The following PLCB1 variants were observed in gnomAD, a reference collection of about 807,000 sequenced individuals.
PLCB1 encodes phospholipase C beta 1.
PLCB1 carries 46 observed loss-of-function variants against 161.8 expected under a neutral mutation model. The ratio of observed to expected loss-of-function variants is 0.28; its 90% confidence interval spans 0.22 to 0.36. The LOEUF (loss-of-function observed/expected upper bound fraction) is 0.36. Ranked by LOEUF, PLCB1 falls within the 10% of genes least tolerant of loss-of-function variation. PLCB1 has a pLI of 1.00. For synonymous variants in PLCB1, 517 were observed against 503.7 expected (o/e 1.03, Z -0.35); for missense variants, 1,016 against 1,472.5 (o/e 0.69, Z 5.07).
At chr20:8,416,597 C>A (rs1180511367) in intron 3 of PLCB1, among the ~76,000 whole-genome samples, 4 of 152,172 alleles carry the variant, frequency 2.6e-5, no homozygotes, top group Middle Eastern at 6.8e-3. Context: ...GGTTTATGTA[C>A]AGTCACAGGA....
intron 3 of PLCB1, among the ~76,000 whole-genome samples, chr20:8,612,142 A>T (rs1987922730): frequency 6.6e-6 from 1 of 152,158 alleles, no homozygotes. Flanking sequence ...TAGAAGCTTG[A>T]GGGCAAAGAC....
At chr20:8,485,423 G>A (rs992288651) in intron 3 of PLCB1, among the ~76,000 whole-genome samples, 2 of 152,228 alleles carry the variant, frequency 1.3e-5, no homozygotes, top group African/African-American at 4.8e-5. Context: ...CCTAAAGGCA[G>A]AAAAGATAAT....
At chr20:8,673,291 G>T (rs1600241883) in intron 9 of PLCB1, among the ~76,000 whole-genome samples, 1 of 152,322 alleles carries the variant, frequency 6.6e-6, no homozygotes, top group Non-Finnish European at 1.5e-5. Flanking sequence ...GATGGAGCAG[G>T]TGGCTCGCAA....
At chr20:8,377,407 G>A (rs1175874508) in intron 3 of PLCB1, among the ~76,000 whole-genome samples, 3 of 152,186 alleles carry the variant, frequency 2.0e-5, no homozygotes, top group East Asian at 1.9e-4. Context: ...CTTTTCTTCT[G>A]ATGGAAGAGG....
chr20:8,665,816 A>G (rs563624671), intron 9 of PLCB1, among the ~76,000 whole-genome samples: 1 of 152,308 alleles, frequency 6.6e-6, no homozygotes, highest in South Asian at 2.1e-4. Context: ...AACATGCCCT[A>G]ATTAAAGAAA....
intron 3 of PLCB1, among the ~76,000 whole-genome samples, chr20:8,377,262 A>C (rs951962851): frequency 6.6e-6 from 1 of 152,166 alleles, no homozygotes; most frequent in Non-Finnish European, 1.5e-5. Context: ...ATATGAGTAG[A>C]GACATGAACT....
chr20:8,193,540 A>G (rs1013751421), intron 2 of PLCB1, among the ~76,000 whole-genome samples: 2 of 152,022 alleles, frequency 1.3e-5, no homozygotes, highest in African/African-American at 2.4e-5. Flanking sequence ...CTAGAAGGAG[A>G]TATAAAAAAC....
intron 3 of PLCB1, among the ~76,000 whole-genome samples, chr20:8,612,953 C>G (rs1282770703): frequency 1.3e-5 from 2 of 152,018 alleles, no homozygotes. Context: ...AGACATGGCC[C>G]AGCTTAACAC....
intron 2 of PLCB1, among the ~76,000 whole-genome samples, chr20:8,158,757 A>G (rs1245411617): frequency 6.6e-6 from 1 of 152,228 alleles, no homozygotes; most frequent in Non-Finnish European, 1.5e-5. Context: ...CAAAGGGGCT[A>G]CAGGCCTCAT....
chr20:8,821,824 C>A (rs991456141), intron 31 of PLCB1, among the ~76,000 whole-genome samples: 3 of 151,922 alleles, frequency 2.0e-5, no homozygotes, highest in Non-Finnish European at 4.4e-5. Context: ...CTGTATCCCT[C>A]TCCACCCGCC....
intron 2 of PLCB1, among the ~76,000 whole-genome samples, chr20:8,261,506 T>C (rs1377447699): frequency 1.3e-5 from 2 of 152,180 alleles, no homozygotes; most frequent in African/African-American, 4.8e-5. Flanking sequence ...GCTTTGCGGT[T>C]GATGTCGAGC....
chr20:8,805,580 T>G (rs1984496288), intron 31 of PLCB1, among the ~76,000 whole-genome samples: 1 of 152,142 alleles, frequency 6.6e-6, no homozygotes, highest in Admixed American at 6.6e-5. Flanking sequence ...AAACAAAAAT[T>G]AGCATTTATG....
rs114124504 is a variant in PLCB1 at position 8,475,644 on chromosome 20, T to C, written c.246+104194T>C. Among the ~76,000 whole-genome samples the C allele has an allele frequency of 9.6e-3, 1,456 of 152,338 alleles. 25 individuals carry two copies. Among genetic ancestry groups the C allele is most frequent in the African/African-American group, 0.032 (1,351 of 41,584 alleles). ...TCTTTCAGACACTTGCACACTTTTT[T>C]TCAGATAATTGGTGTATGTAAAGGA... On this transcript the variant is annotated intron_variant, in intron 3 of 31. Transcript: ENST00000338037.
intron 3 of PLCB1, among the ~76,000 whole-genome samples, chr20:8,408,380 A>G (rs1252545492): frequency 6.6e-6 from 1 of 152,018 alleles, no homozygotes; most frequent in Non-Finnish European, 1.5e-5. Context: ...ACCTGTGAAT[A>G]GCCACTGCAC....
chr20:8,718,982 A>G (rs903015073), intron 14 of PLCB1, among the ~76,000 whole-genome samples: 4 of 152,230 alleles, frequency 2.6e-5, no homozygotes, highest in African/African-American at 9.6e-5. Context: ...GATGCCTAAT[A>G]TCATTTCTTT....
chr20:8,277,513 G>A (rs1982642576), intron 2 of PLCB1, among the ~76,000 whole-genome samples: 1 of 151,768 alleles, frequency 6.6e-6, no homozygotes, highest in Non-Finnish European at 1.5e-5. Context: ...ATATATAAAT[G>A]CTACTTTAAT....
At chr20:8,700,520 G>A (rs1990677466) in intron 11 of PLCB1, among the ~76,000 whole-genome samples, 2 of 152,234 alleles carry the variant, frequency 1.3e-5, no homozygotes, top group Admixed American at 1.3e-4. Flanking sequence ...TCTCTTTCTG[G>A]GCTCTGGAAG....
intron 2 of PLCB1, among the ~76,000 whole-genome samples, chr20:8,297,893 T>G (rs66541428): frequency 0.057 from 5,498 of 96,304 alleles, 289 homozygotes; most frequent in African/African-American, 0.18. Flanking sequence ...TCTTTTTGGG[T>G]TTTTTTTTTT....
chr20:8,830,960 CT>C (rs1428682117), intron 31 of PLCB1, among the ~76,000 whole-genome samples: 2 of 152,208 alleles, frequency 1.3e-5, no homozygotes, highest in Non-Finnish European at 2.9e-5. Context: ...GGTAGCCTAG[CT>C]GTTTCATTGG....
Sources: gnomAD v4.1 joint callset for allele counts (sites outside exome capture counted in the v4.1 genomes callset) on GRCh38, gnomAD v4.1.1 for gene constraint, MANE v1.5 for transcripts, NCBI Gene and HGNC (gene_info 2026-07-23, HGNC 2026-07-21) for gene names.